ACYP2: variants seen among roughly 807,000 people sequenced by gnomAD.
ACYP2 encodes acylphosphatase-2.
A neutral mutation model predicts 11.2 loss-of-function variants in ACYP2; 12 were observed. The ratio of observed to expected loss-of-function variants is 1.08; its 90% confidence interval spans 0.69 to 1.74. ACYP2 has a LOEUF of 1.74. Among genes scored for constraint, ACYP2 ranks in the 40% most tolerant of loss-of-function variants. ACYP2 has a pLI of 0.00. For missense variants in ACYP2, 134 were observed against 101.9 expected, an observed-to-expected ratio of 1.31 and a Z score of -1.35; for synonymous variants, 43 against 32.2, an observed-to-expected ratio of 1.33 and a Z score of -1.13.
intron 4 of ACYP2, among the ~76,000 whole-genome samples, chr2:54,098,394 T>C (rs903168233): frequency 1.3e-5 from 2 of 152,132 alleles, no homozygotes; most frequent in Admixed American, 6.5e-5. Context: ...GTCTCCTGAA[T>C]GTCCTTTTTT....
intron 4 of ACYP2, among the ~76,000 whole-genome samples, chr2:54,105,093 T>A (rs749810994): frequency 1.6e-4 from 25 of 152,174 alleles, no homozygotes; most frequent in African/African-American, 5.3e-4. Context: ...TTCAGGAAAT[T>A]TCCCCCCAGG....
At chr2:54,081,687 T>A (rs919285857) in intron 4 of ACYP2, among the ~76,000 whole-genome samples, 1 of 152,240 alleles carries the variant, frequency 6.6e-6, no homozygotes, top group African/African-American at 2.4e-5. Flanking sequence ...TCTACATACC[T>A]GATGAGAGAG....
intron 2 of ACYP2, among the ~76,000 whole-genome samples, chr2:53,987,608 T>C (rs1454488750): frequency 6.6e-6 from 1 of 152,158 alleles, no homozygotes; most frequent in Admixed American, 6.6e-5. Flanking sequence ...TCATCAGCAT[T>C]GTAAGAGCAA....
At chr2:54,012,171 G>T (rs1673409585) in intron 2 of ACYP2, among the ~76,000 whole-genome samples, 2 of 151,942 alleles carry the variant, frequency 1.3e-5, no homozygotes, top group Admixed American at 1.3e-4. Flanking sequence ...GGGAAGTTGA[G>T]GTTGCAGTGA....
intron 6 of ACYP2, among the ~76,000 whole-genome samples, chr2:54,171,548 A>G (rs752658414): frequency 6.6e-6 from 1 of 152,252 alleles, no homozygotes; most frequent in Non-Finnish European, 1.5e-5. Context: ...TAAATACATT[A>G]TTAACCTGTT....
intron 6 of ACYP2, among the ~76,000 whole-genome samples, chr2:54,280,141 C>G (rs983178141): frequency 1.3e-5 from 2 of 152,076 alleles, no homozygotes; most frequent in African/African-American, 4.8e-5. Context: ...AGGAATGGCC[C>G]AAAGCCTCCA....
At position 54,135,442 on chromosome 2, in the gene ACYP2, C is replaced by G. The variant is rs371684958; in HGVS notation, c.278-11C>G. ...CAAGCTGACAATTCTTTTTATCTTT[C>G]TTTTATACAGGTGTTTGCTTCAGAA... On this transcript the variant is annotated splice_polypyrimidine_tract_variant and intron_variant, in intron 4 of 6. Coordinates refer to ENST00000607452, the MANE Select transcript of ACYP2 (RefSeq NM_001320586.2). 1.2e-5 allele frequency: 20 copies of G among 1,604,614 alleles called. No individual in the cohort carries two copies. Among genetic ancestry groups the G allele is most frequent in the Non-Finnish European group, 1.4e-5 (16 of 1,175,770 alleles).
chr2:54,174,050 T>G (rs568370687), intron 6 of ACYP2, among the ~76,000 whole-genome samples: 283 of 152,320 alleles, frequency 1.9e-3, no homozygotes, highest in Admixed American at 5.8e-3. Context: ...TTAAAGTAGT[T>G]TTTTCCAATG....
Position 54,007,138 on chromosome 2 carries a change from CAAAAAAAA to C in ACYP2, c.62+33347_62+33354del, listed in dbSNP as rs70944145. On this transcript the variant is annotated intron_variant, in intron 2 of 6. Coordinates refer to ENST00000607452, the MANE Select transcript of ACYP2 (RefSeq NM_001320586.2). ...TGGGCAACAGAGAGAGACTCTGTGT[CAAAAAAAA>C]AAAAAAAAAAAAAAAAAAGAAAGAA... 3.0e-3 allele frequency among the ~76,000 whole-genome samples: 159 copies of C among 52,202 alleles called. 4 individuals carry two copies. Among genetic ancestry groups the C allele is most frequent in the East Asian group, 0.012 (19 of 1,598 alleles). The allele number at this position is 52,202 out of a possible 152,430, so 34.2% of individuals were successfully genotyped here.
chr2:53,991,811 G>T (rs140971730), intron 2 of ACYP2, among the ~76,000 whole-genome samples: 4 of 151,642 alleles, frequency 2.6e-5, no homozygotes, highest in African/African-American at 7.3e-5. Flanking sequence ...TTTATTTAGC[G>T]ATGAGGGCTA....
intron 2 of ACYP2, among the ~76,000 whole-genome samples, chr2:53,974,150 G>A (rs1271918084): frequency 2.6e-5 from 4 of 151,560 alleles, no homozygotes; most frequent in Middle Eastern, 3.4e-3. Flanking sequence ...TCCTGACCTC[G>A]TGATCCGCCC....
intron 6 of ACYP2, among the ~76,000 whole-genome samples, chr2:54,206,120 T>C (rs377766648): frequency 2.0e-5 from 3 of 152,212 alleles, no homozygotes; most frequent in African/African-American, 7.2e-5. Context: ...GCTTGCTTTT[T>C]GATGGGGCAT....
chr2:54,240,761 A>T (rs1686697728), intron 6 of ACYP2, among the ~76,000 whole-genome samples: 1 of 152,166 alleles, frequency 6.6e-6, no homozygotes, highest in Non-Finnish European at 1.5e-5. Flanking sequence ...GAGTCAGGAA[A>T]CTTGGGGCCT....
chr2:54,070,690 T>A (rs1035837077), intron 4 of ACYP2, among the ~76,000 whole-genome samples: 3 of 152,064 alleles, frequency 2.0e-5, no homozygotes, highest in Non-Finnish European at 4.4e-5. Context: ...GATATCTAAA[T>A]GAAAATAAAA....
chr2:54,126,117 A>T (rs1182393725), intron 4 of ACYP2, among the ~76,000 whole-genome samples: 6 of 152,312 alleles, frequency 3.9e-5, no homozygotes, highest in Admixed American at 6.5e-5. Context: ...AAGGAGATTT[A>T]TTTGAGAAAC....
intron 6 of ACYP2, among the ~76,000 whole-genome samples, chr2:54,232,845 C>T (rs1466835158): frequency 6.6e-6 from 1 of 152,084 alleles, no homozygotes; most frequent in Non-Finnish European, 1.5e-5. Context: ...GGGAAATCCG[C>T]CCCCAAGATG....
intron 6 of ACYP2, among the ~76,000 whole-genome samples, chr2:54,220,276 T>A (rs1685748365): frequency 6.6e-6 from 1 of 152,186 alleles, no homozygotes; most frequent in Admixed American, 6.5e-5. Flanking sequence ...CCAACTGTAA[T>A]CTTTCTTAAT....
intron 2 of ACYP2, among the ~76,000 whole-genome samples, chr2:53,987,358 T>TAAA (rs758401897): frequency 3.6e-5 from 5 of 137,464 alleles, no homozygotes; most frequent in Admixed American, 1.5e-4. Context: ...TATACAAAGT[T>TAAA]AAAAAAAAAA....
chr2:54,119,051 C>CTTTTTTT lies in ACYP2; in HGVS notation c.278-16376_278-16370dup, dbSNP rs10542497. 1.3e-3 allele frequency among the ~76,000 whole-genome samples: 56 copies of CTTTTTTT among 43,768 alleles called. 7 individuals carry two copies. The highest frequency in any genetic ancestry group is 4.5e-3 in the African/African-American group (43 of 9,476). 28.7% of individuals were successfully genotyped at this position (43,768 alleles called of 152,430 possible). ...GAAGTGGGATTTGAATCTTAGTAGT[C>CTTTTTTT]TTTTTTTTTTTTTTTTTTTTTTTTT... On this transcript the variant is annotated intron_variant, in intron 4 of 6. Transcript: ENST00000607452.
Sources: gnomAD v4.1 joint callset for allele counts (sites outside exome capture counted in the v4.1 genomes callset) on GRCh38, gnomAD v4.1.1 for gene constraint, MANE v1.5 for transcripts, NCBI Gene and HGNC (gene_info 2026-07-23, HGNC 2026-07-21) for gene names.